Variants in DNAJC6 observed in about 807,000 individuals in gnomAD.
DNAJC6 encodes DnaJ heat shock protein family (Hsp40) member C6.
A neutral mutation model predicts 110.0 loss-of-function variants in DNAJC6; 34 were observed. The ratio of observed to expected loss-of-function variants is 0.31; its 90% confidence interval spans 0.24 to 0.41. The LOEUF (loss-of-function observed/expected upper bound fraction) is 0.41, where lower values mean the gene tolerates loss of function less well. DNAJC6 is among the 10% of genes least tolerant of loss of function. The pLI is 1.00. For synonymous variants in DNAJC6, 406 were observed against 437.2 expected (o/e 0.93, Z 0.89); for missense variants, 1,031 against 1,207.8 (o/e 0.85, Z 2.17).
At chr1:65,383,997 A>T in intron 5 of DNAJC6, 196 bp from the exon 6 acceptor site, 2 of 448,880 alleles carry the variant, frequency 4.5e-6, no homozygotes, top group South Asian at 7.7e-5. Context: ...TCTAAGGATA[A>T]GTCTTTCCTT....
intron 1 of DNAJC6, among the ~76,000 whole-genome samples, chr1:65,329,885 ACT>A (rs1339766324): frequency 6.6e-6 from 1 of 151,224 alleles, no homozygotes; most frequent in Non-Finnish European, 1.5e-5. Context: ...TCTGCCCTTC[ACT>A]CTCTCAGTTC....
chr1:65,396,799 C>G (rs1450687812), intron 13 of DNAJC6, among the ~76,000 whole-genome samples: 1 of 152,128 alleles, frequency 6.6e-6, no homozygotes, highest in Non-Finnish European at 1.5e-5. Context: ...TCCATAGTGC[C>G]TAAAAGAATT....
chr1:65,363,317 A>G (rs1179892914), intron 1 of DNAJC6, among the ~76,000 whole-genome samples: 1 of 152,174 alleles, frequency 6.6e-6, no homozygotes, highest in Non-Finnish European at 1.5e-5. Context: ...CATATGCCAC[A>G]TAGCTCCTTT....
At chr1:65,301,452 C>T (rs1644977827) in intron 1 of DNAJC6, among the ~76,000 whole-genome samples, 1 of 152,196 alleles carries the variant, frequency 6.6e-6, no homozygotes, top group Non-Finnish European at 1.5e-5. Context: ...CTCCCCCAAC[C>T]TACCACCTCC....
chr1:65,361,811 C>G (rs1488659921), intron 1 of DNAJC6, among the ~76,000 whole-genome samples: 1 of 152,068 alleles, frequency 6.6e-6, no homozygotes, highest in East Asian at 1.9e-4. Context: ...TAGAGAGAGT[C>G]TTATGTATGT....
intron 1 of DNAJC6, among the ~76,000 whole-genome samples, chr1:65,356,674 C>T (rs531674182): frequency 4.0e-5 from 6 of 151,380 alleles, no homozygotes; most frequent in Admixed American, 6.6e-5. Flanking sequence ...CAATGTCATG[C>T]GTGTTATTAT....
chr1:65,376,104 G>A (rs1645764106), intron 4 of DNAJC6, among the ~76,000 whole-genome samples: 1 of 151,998 alleles, frequency 6.6e-6, no homozygotes, highest in Non-Finnish European at 1.5e-5. Context: ...TTTCTTCATG[G>A]TTCAATCTTG....
intron 11 of DNAJC6, 66 bp from the exon 12 acceptor site, chr1:65,392,365 T>TA: frequency 7.1e-7 from 1 of 1,414,862 alleles, no homozygotes; most frequent in Non-Finnish European, 9.5e-7. Context: ...TATACATATA[T>TA]TATAACAAAA....
intron 1 of DNAJC6, among the ~76,000 whole-genome samples, chr1:65,281,194 C>T (rs532658158): frequency 5.9e-5 from 9 of 152,182 alleles, no homozygotes; most frequent in South Asian, 4.2e-4. Flanking sequence ...CCCAAAGTGA[C>T]GGGATTACAA....
At chr1:65,350,454 A>C (rs1357012504) in intron 1 of DNAJC6, among the ~76,000 whole-genome samples, 1 of 152,154 alleles carries the variant, frequency 6.6e-6, no homozygotes, top group African/African-American at 2.4e-5. Flanking sequence ...TATCTGAAGC[A>C]TTTCAGGTTC....
chr1:65,361,233 C>T (rs1449936206), intron 1 of DNAJC6, among the ~76,000 whole-genome samples: 1 of 152,186 alleles, frequency 6.6e-6, no homozygotes, highest in South Asian at 2.1e-4. Context: ...GAGCACAGTT[C>T]CTGTTGCATT....
At chr1:65,347,496 G>A (rs990164734) in intron 1 of DNAJC6, among the ~76,000 whole-genome samples, 4 of 151,418 alleles carry the variant, frequency 2.6e-5, no homozygotes, top group African/African-American at 9.7e-5. Flanking sequence ...GTCCTTAAGT[G>A]TGCCCAAATT....
chr1:65,384,246 T>C lies in DNAJC6; in HGVS notation c.720T>C (p.Asn240=). The change falls in exon 6 of 19, where the codon AAT becomes AAC. Residue 240 remains asparagine, a synonymous_variant. Coordinates refer to ENST00000371069, the MANE Select transcript of DNAJC6 (RefSeq NM_001256864.2). ...TTGGTGCTATGTTCATTTTCTGTAATCTCTACTCTACTCCTGGCCCAGCCA... is the reference window on the plus strand; with the variant it reads ...TTGGTGCTATGTTCATTTTCTGTAACCTCTACTCTACTCCTGGCCCAGCCA... The part of the protein sequence containing the change: ...ILVGAMFIFC[N]LYSTPGPAIR... 3 of 1,585,400 alleles carry C rather than the reference T, an allele frequency of 1.9e-6. No individual in the cohort carries two copies. Among genetic ancestry groups the C allele is most frequent in the Non-Finnish European group, 2.6e-6 (3 of 1,168,168 alleles).
rs191318999 is a variant in DNAJC6 at position 65,344,661 on chromosome 1, T to G, written c.194-19974T>G. Among the ~76,000 whole-genome samples the G allele has an allele frequency of 1.8e-3, 267 of 152,290 alleles. 3 individuals carry two copies. The highest frequency in any genetic ancestry group is 5.7e-3 in the African/African-American group (238 of 41,560). On this transcript the variant is annotated intron_variant, in intron 1 of 18. Transcript: ENST00000371069. The stretch of plus-strand genomic sequence containing the variant: ...AATTAATGAGCCCTCATGCCAAGAT[T>G]GAGGTCATAGCATTAATCTTACTTT...
At position 65,375,413 on chromosome 1, in the gene DNAJC6, C is replaced by T. The variant is rs924663993; in HGVS notation, c.544-3989C>T. Among the ~76,000 whole-genome samples, 16 of 150,412 alleles carry T rather than the reference C, an allele frequency of 1.1e-4. 1 individual carries two copies. Among genetic ancestry groups the T allele is most frequent in the African/African-American group, 3.7e-4 (15 of 40,390 alleles). ...TGCATATATTGAGCCATCCTTGTAC[C>T]AATGAAGTAAAACTTTTTTTTTTTT... On this transcript the variant is annotated intron_variant, in intron 4 of 18. Coordinates refer to ENST00000371069, the MANE Select transcript of DNAJC6 (RefSeq NM_001256864.2).
chr1:65,314,357 C>T (rs954930437), intron 1 of DNAJC6, among the ~76,000 whole-genome samples: 3 of 152,012 alleles, frequency 2.0e-5, no homozygotes, highest in Admixed American at 6.6e-5. Flanking sequence ...TTATGAGATA[C>T]GTGTTTGGAT....
chr1:65,387,455 A>G (rs1164229572), intron 8 of DNAJC6, among the ~76,000 whole-genome samples: 2 of 152,214 alleles, frequency 1.3e-5, no homozygotes, highest in African/African-American at 4.8e-5. Context: ...GTCACTTCCT[A>G]TTCCCTCTCC....
intron 16 of DNAJC6, among the ~76,000 whole-genome samples, chr1:65,406,858 G>A (rs528668308): frequency 1.3e-5 from 2 of 152,306 alleles, no homozygotes; most frequent in African/African-American, 4.8e-5. Flanking sequence ...GAAGTACATA[G>A]GAACATGGTG....
chr1:65,406,053 A>C lies in DNAJC6; in HGVS notation c.2411A>C (p.Gln804Pro), dbSNP rs748821972. 6.2e-7 allele frequency: 1 copy of C among 1,614,172 alleles called. No individual in the cohort carries two copies. The highest frequency in any genetic ancestry group is 1.1e-5 in the South Asian group (1 of 91,086). The change falls in exon 16 of 19, where the codon CAG (glutamine) becomes CCG (proline). Residue 804 changes from glutamine (Q) to proline (P), a missense_variant. Physicochemically the swap from Gln to Pro is moderately conservative, Grantham distance 76. Coordinates refer to ENST00000371069, the MANE Select transcript of DNAJC6 (RefSeq NM_001256864.2). ...CCCAGCATGCCCCACTCCTCTCCCCAGAACCGACCCAACTACAACGTGAGC... is the reference window on the plus strand; with the variant it reads ...CCCAGCATGCCCCACTCCTCTCCCCCGAACCGACCCAACTACAACGTGAGC... ...PQPSMPHSSPQNRPNYNVSFS... is the reference protein window; with the variant it reads ...PQPSMPHSSPPNRPNYNVSFS...
Sources: allele counts gnomAD v4.1 joint callset (sites outside exome capture counted in the v4.1 genomes callset), GRCh38; gene constraint gnomAD v4.1.1; transcripts MANE v1.5; gene names NCBI Gene and HGNC (gene_info 2026-07-23, HGNC 2026-07-21).